The following ANXA4 variants were observed in gnomAD, a reference collection of about 807,000 sequenced individuals.
The protein encoded by ANXA4 is 35-beta calcimedin.
In ANXA4, 39 loss-of-function variants were observed where a neutral mutation model predicts 49.8. That is an observed-to-expected ratio of 0.78 (90% CI 0.61 to 1.02). ANXA4 has a LOEUF of 1.02. Among genes scored for constraint, ANXA4 ranks in the 50% least tolerant of loss-of-function variants. ANXA4 has a pLI of 0.00. For missense variants in ANXA4, 360 were observed against 410.1 expected (o/e 0.88, Z 1.05); for synonymous variants, 134 against 152.5 (o/e 0.88, Z 0.89).
chr2:69,763,965 T>G (rs1240733144), intron 1 of ANXA4, among the ~76,000 whole-genome samples: 1 of 152,156 alleles, frequency 6.6e-6, no homozygotes, highest in Non-Finnish European at 1.5e-5. Flanking sequence ...CTGACCTTAG[T>G]TTTTTTCTGA....
At chr2:69,716,500 G>C (rs1248041242) in intron 2 of ANXA4, among the ~76,000 whole-genome samples, 1 of 152,114 alleles carries the variant, frequency 6.6e-6, no homozygotes, top group Non-Finnish European at 1.5e-5. Flanking sequence ...TTGGAGAGAC[G>C]GGCGAGAGCC....
At chr2:69,745,453 T>C (rs1046047230) in intron 1 of ANXA4, among the ~76,000 whole-genome samples, 2 of 152,230 alleles carry the variant, frequency 1.3e-5, no homozygotes, top group South Asian at 2.1e-4. Context: ...TTGTACAATA[T>C]GCAGATTCTG....
chr2:69,764,336 AAC>A (rs1479381799), intron 1 of ANXA4, among the ~76,000 whole-genome samples: 1 of 152,348 alleles, frequency 6.6e-6, no homozygotes, highest in East Asian at 1.9e-4. Flanking sequence ...ATTCTAAAAT[AAC>A]TCTGAGAACA....
In ANXA4 at chr2:69,656,345, G is replaced by A. The variant is rs1453456496; in HGVS notation, n.766+3063G>A. On this transcript the variant is annotated intron_variant and non_coding_transcript_variant, in intron 2 of 3. Coordinates refer to the ANXA4 transcript ENST00000418066. Reference sequence around the variant, plus strand: ...TATGTATATATATGTGTATATATATGTGTATATATGTGTATATATATGTGT... The same window carrying A: ...TATGTATATATATGTGTATATATATATGTATATATGTGTATATATATGTGT... Among the ~76,000 whole-genome samples, 29 of 96,900 alleles carry A rather than the reference G, an allele frequency of 3.0e-4. 1 individual carries two copies. Among genetic ancestry groups the A allele is most frequent in the African/African-American group, 5.7e-4 (9 of 15,684 alleles). 63.6% of individuals were successfully genotyped at this position (96,900 alleles called of 152,430 possible).
At chr2:69,765,075 T>TACACAC (rs61370033) in intron 1 of ANXA4, among the ~76,000 whole-genome samples, 11 of 150,078 alleles carry the variant, frequency 7.3e-5, no homozygotes, top group South Asian at 2.1e-4. Flanking sequence ...TATATGTGTA[T>TACACAC]ACACACACAC....
At chr2:69,663,081 C>T (rs1330528512) in intron 2 of ANXA4, among the ~76,000 whole-genome samples, 2 of 149,674 alleles carry the variant, frequency 1.3e-5, no homozygotes, top group Non-Finnish European at 3.0e-5. Flanking sequence ...CAAGCTCCGC[C>T]TCCCAGGTTC....
intron 2 of ANXA4, among the ~76,000 whole-genome samples, chr2:69,669,443 C>G (rs1041542012): frequency 6.6e-6 from 1 of 151,432 alleles, no homozygotes; most frequent in Non-Finnish European, 1.5e-5. Context: ...ATCCTTGTCT[C>G]TACTAAAAAT....
intron 2 of ANXA4, among the ~76,000 whole-genome samples, chr2:69,705,616 T>A (rs1285761690): frequency 6.6e-6 from 1 of 152,224 alleles, no homozygotes; most frequent in East Asian, 1.9e-4. Flanking sequence ...GATTTTATAA[T>A]GTATTCTTAC....
chr2:69,752,021 G>A (rs1032211008), intron 1 of ANXA4, among the ~76,000 whole-genome samples: 2 of 152,196 alleles, frequency 1.3e-5, no homozygotes, highest in African/African-American at 4.8e-5. Flanking sequence ...CTGCCATGGA[G>A]TAACAGAAGA....
At chr2:69,690,976 T>C (rs1477544228) in intron 2 of ANXA4, among the ~76,000 whole-genome samples, 1 of 152,224 alleles carries the variant, frequency 6.6e-6, no homozygotes, top group Non-Finnish European at 1.5e-5. Flanking sequence ...GTAAATCATA[T>C]GTATAAATGA....
chr2:69,806,085 G>A (rs1384654531), intron 4 of ANXA4, among the ~76,000 whole-genome samples: 1 of 152,140 alleles, frequency 6.6e-6, no homozygotes, highest in African/African-American at 2.4e-5. Context: ...GGTTTTGGTT[G>A]GGGTATATGA....
chr2:69,778,680 C>T (rs1048240547), intron 1 of ANXA4, among the ~76,000 whole-genome samples: 2 of 147,748 alleles, frequency 1.4e-5, no homozygotes, highest in Non-Finnish European at 3.0e-5. Context: ...GAGGCTGAGG[C>T]AGGCGAATCA....
intron 9 of ANXA4, chr2:69,816,890 A>G: frequency 6.6e-6 from 1 of 152,208 alleles, no homozygotes; most frequent in Non-Finnish European, 1.5e-5. Flanking sequence ...AATCACACAC[A>G]CTGATTTGCA....
At chr2:69,697,345 G>A (rs542718517) in intron 2 of ANXA4, among the ~76,000 whole-genome samples, 7 of 152,138 alleles carry the variant, frequency 4.6e-5, no homozygotes, top group Non-Finnish European at 1.0e-4. Context: ...CCCAGCCTTC[G>A]CAGGATTGAA....
intron 3 of ANXA4, among the ~76,000 whole-genome samples, chr2:69,800,598 T>G (rs1180848972): frequency 6.6e-6 from 1 of 152,168 alleles, no homozygotes; most frequent in Non-Finnish European, 1.5e-5. Context: ...GAGATCACAT[T>G]TCACTTGGGG....
At chr2:69,671,025 CAAAAAAA>C (rs762968256) in intron 2 of ANXA4, among the ~76,000 whole-genome samples, 4 of 32,546 alleles carry the variant, frequency 1.2e-4, no homozygotes, top group African/African-American at 4.6e-4. Context: ...GACTCCATCT[CAAAAAAA>C]AAAAAAAAAA....
chr2:69,793,717 G>C (rs577839851), intron 3 of ANXA4, among the ~76,000 whole-genome samples: 1 of 152,010 alleles, frequency 6.6e-6, no homozygotes, highest in Non-Finnish European at 1.5e-5. Context: ...AATTCCAGGG[G>C]CTCCGAGGAA....
At chr2:69,817,790 G>C (rs917670609) in intron 9 of ANXA4, 3 of 152,174 alleles carry the variant, frequency 2.0e-5, no homozygotes, top group Admixed American at 1.3e-4. Context: ...TGACACCCAG[G>C]AAGTTTAATA....
intron 4 of ANXA4, 59 bp downstream of exon 4, chr2:69,804,686 C>G: frequency 1.2e-5 from 16 of 1,380,852 alleles, no homozygotes; most frequent in Non-Finnish European, 1.4e-5. Flanking sequence ...GAAGCAGGGC[C>G]TCTTCCTGAT....
Sources: allele counts gnomAD v4.1 joint callset (sites outside exome capture counted in the v4.1 genomes callset), GRCh38; gene constraint gnomAD v4.1.1; transcripts MANE v1.5; gene names NCBI Gene and HGNC (gene_info 2026-07-23, HGNC 2026-07-21).